VIPR2: variants seen among roughly 807,000 people sequenced by gnomAD.
VIPR2 encodes the protein vasoactive intestinal peptide receptor 2, also known as vasoactive intestinal polypeptide receptor 2.
VIPR2 carries 48 observed loss-of-function variants against 58.0 expected under a neutral mutation model. The ratio of observed to expected loss-of-function variants is 0.83; its 90% confidence interval spans 0.66 to 1.05. The LOEUF is 1.05. Among genes scored for constraint, VIPR2 ranks in the 50% least tolerant of loss-of-function variants. The pLI, the probability that VIPR2 is intolerant of heterozygous loss-of-function variation, is 0.00. For missense variants in VIPR2, 534 were observed against 558.0 expected (o/e 0.96, Z 0.43); for synonymous variants, 243 against 235.2 (o/e 1.03, Z -0.30).
chr7:159,031,587 CG>C lies in VIPR2; in HGVS notation c.1143+240del. The C allele has an allele frequency of 2.0e-6, 2 of 985,328 alleles. No homozygotes were observed. Among genetic ancestry groups the C allele is most frequent in the Non-Finnish European group, 2.4e-6 (2 of 829,920 alleles). The allele number at this position is 985,328 out of a possible 1,614,324, so 61.0% of individuals were successfully genotyped here. A position where few individuals can be genotyped will look rare whatever the true frequency, so the allele number is the denominator to read the frequency against. ...TTTCCCGAGAGGGCTCCGAGACGGACGGCAGTCGATGCTACTTAGGGTGGAC... is the reference window on the plus strand; with the variant it reads ...TTTCCCGAGAGGGCTCCGAGACGGACGCAGTCGATGCTACTTAGGGTGGAC... On this transcript the variant is annotated intron_variant, in intron 12 of 12. Transcript: ENST00000262178. The surrounding 1 kb of genome is among the most constrained non-coding windows in gnomAD (Gnocchi z 4.0).
At chr7:159,058,047 A>C (rs1359267894) in intron 5 of VIPR2, among the ~76,000 whole-genome samples, 1 of 152,200 alleles carries the variant, frequency 6.6e-6, no homozygotes, top group Non-Finnish European at 1.5e-5. Context: ...TACTTTGTCC[A>C]AGGTCACACA....
chr7:159,060,984 C>T (rs1259072749), intron 4 of VIPR2, among the ~76,000 whole-genome samples: 7 of 152,202 alleles, frequency 4.6e-5, no homozygotes, highest in South Asian at 2.1e-4. Flanking sequence ...GGAATCAATA[C>T]GTCTCCATCA....
In VIPR2 at chr7:159,028,403, C is replaced by T. The variant is rs1478890009; in HGVS notation, c.*2213G>A. On this transcript the variant is annotated 3_prime_UTR_variant, in exon 13 of 13. Transcript: ENST00000262178. ...CATGTGCGGTTGAGGGGAGATTGTC[C>T]CCTGAGCACACCTGATGACTGATGA... 1.3e-5 allele frequency: 2 copies of T among 152,408 alleles called. No homozygotes were observed. Among genetic ancestry groups the T allele is most frequent in the African/African-American group, 4.8e-5 (2 of 41,454 alleles). 9.4% of individuals were successfully genotyped at this position (152,408 alleles called of 1,614,324 possible).
In VIPR2 at chr7:159,140,691, C is replaced by A. The variant is rs984147059; in HGVS notation, c.151+1755G>T. 2.0e-5 allele frequency among the ~76,000 whole-genome samples: 3 copies of A among 152,234 alleles called. No homozygotes were observed. In the East Asian group the frequency reaches 5.8e-4, roughly 29 times the overall value. The stretch of plus-strand genomic sequence containing the variant: ...ACCAACGCTGCCTGCGAGGGGCTCT[C>A]GGGCCTGCATATGAACCCGCTCAAG... On this transcript the variant is annotated intron_variant, in intron 2 of 12. Coordinates refer to ENST00000262178, the MANE Select transcript of VIPR2 (RefSeq NM_003382.5).
At chr7:159,092,903 G>A (rs1462143256) in intron 4 of VIPR2, among the ~76,000 whole-genome samples, 1 of 152,154 alleles carries the variant, frequency 6.6e-6, no homozygotes, top group Non-Finnish European at 1.5e-5. Flanking sequence ...GGAGCTGCCA[G>A]CAAGAGCAGC....
chr7:159,126,636 G>C (rs1173458855), intron 2 of VIPR2, among the ~76,000 whole-genome samples: 1 of 152,172 alleles, frequency 6.6e-6, no homozygotes, highest in East Asian at 1.9e-4. Flanking sequence ...AAGGGCCTTA[G>C]CTGCAGCCGA....
intron 1 of VIPR2, among the ~76,000 whole-genome samples, chr7:159,143,766 C>T (rs774140542): frequency 5.9e-5 from 9 of 152,262 alleles, no homozygotes; most frequent in Admixed American, 2.0e-4. Flanking sequence ...CTGGAATATG[C>T]ACAGCAATGA....
intron 4 of VIPR2, among the ~76,000 whole-genome samples, chr7:159,094,301 G>A (rs1299695813): frequency 6.6e-6 from 1 of 152,202 alleles, no homozygotes; most frequent in East Asian, 1.9e-4. Context: ...GCTGTCTGAG[G>A]AATGGGGACA....
At chr7:159,111,419 C>T (rs961877184) in intron 2 of VIPR2, among the ~76,000 whole-genome samples, 1 of 151,992 alleles carries the variant, frequency 6.6e-6, no homozygotes, top group African/African-American at 2.4e-5. Flanking sequence ...GTGGCTCACA[C>T]CTGTAATCCC....
Position 159,030,202 on chromosome 7 carries a change from A to G in VIPR2, c.*414T>C, listed in dbSNP as rs1965614. On this transcript the variant is annotated 3_prime_UTR_variant, in exon 13 of 13. Transcript: ENST00000262178. ...CTACTAAAAATACAAAAAATTAGCC[A>G]GGCGTGTTGGCGGGCGCCTGTAGTC... is the stretch of plus-strand genomic sequence containing the variant. 1,498 of 168,560 alleles carry G rather than the reference A, an allele frequency of 8.9e-3. 29 individuals carry two copies. The highest frequency in any genetic ancestry group is 0.032 in the African/African-American group (1,256 of 39,444). The allele number at this position is 168,560 out of a possible 1,614,324, so 10.4% of individuals were successfully genotyped here. A position where few individuals can be genotyped will look rare whatever the true frequency, so the allele number is the denominator to read the frequency against.
chr7:159,142,933 C>G (rs891692513), intron 1 of VIPR2, among the ~76,000 whole-genome samples: 1 of 152,214 alleles, frequency 6.6e-6, no homozygotes, highest in Non-Finnish European at 1.5e-5. Flanking sequence ...CCTCCGAGGA[C>G]GGCCTCCACC....
Position 159,097,549 on chromosome 7 carries a change from C to T in VIPR2, c.357+6208G>A, listed in dbSNP as rs1349764363. Among the ~76,000 whole-genome samples, 3 of 152,084 alleles carry T rather than the reference C, an allele frequency of 2.0e-5. No individual in the cohort carries two copies. Among genetic ancestry groups the T allele is most frequent in the Non-Finnish European group, 2.9e-5 (2 of 68,006 alleles). ...GCCCAGGGTGTTAGAGATTCTACTG[C>T]CTTGCCCCTGCCTGACCCTGACTCA... On this transcript the variant is annotated intron_variant, in intron 4 of 12. Transcript: ENST00000262178. The surrounding 1 kb of genome is among the most constrained non-coding windows in gnomAD (Gnocchi z 5.3).
At chr7:159,142,684 C>T (rs1038137142) in intron 1 of VIPR2, 139 bp from the exon 2 acceptor site, 4 of 555,894 alleles carry the variant, frequency 7.2e-6, no homozygotes, top group African/African-American at 3.8e-5. Context: ...AACCAATCAC[C>T]TTGATTTTTC....
rs1384503432 is a variant in VIPR2 at position 159,029,814 on chromosome 7, G to A, written c.*802C>T. ...AAAACAGCCCTGTGGAGTTGGGTGG[G>A]GCAGGGCTCAGCCGGGCCGGGTGGG... On this transcript the variant is annotated 3_prime_UTR_variant, in exon 13 of 13. Transcript: ENST00000262178. The A allele has an allele frequency of 6.6e-6, 1 of 152,484 alleles. No individual in the cohort carries two copies. The highest frequency in any genetic ancestry group is 2.4e-5 in the African/African-American group (1 of 41,468). 9.4% of individuals were successfully genotyped at this position (152,484 alleles called of 1,614,324 possible).
chr7:159,046,056 AAATT>A (rs1452614058), intron 5 of VIPR2, among the ~76,000 whole-genome samples: 1 of 152,128 alleles, frequency 6.6e-6, no homozygotes, highest in Non-Finnish European at 1.5e-5. Flanking sequence ...TAATAATAAT[AAATT>A]AAGAAAACAA....
rs199904142 is a variant in VIPR2, at chr7:159,061,670, AAAAG to A, written c.358-3096_358-3093del. Among the ~76,000 whole-genome samples, 178 of 152,284 alleles carry A rather than the reference AAAAG, an allele frequency of 1.2e-3. 4 individuals carry two copies. In the East Asian group the frequency reaches 0.025, roughly 21 times the overall value. On this transcript the variant is annotated intron_variant, in intron 4 of 12. Transcript: ENST00000262178. ...CCTGTCGCAAAAAAAAAAGTTAAAAAAAAGAAAAAAAGTGAAAAATAATCCATAC... is the reference window on the plus strand; with the variant it reads ...CCTGTCGCAAAAAAAAAAGTTAAAAAAAAAAAAGTGAAAAATAATCCATAC...
chr7:159,038,183 C>A (rs1854092159), intron 6 of VIPR2, among the ~76,000 whole-genome samples: 1 of 152,058 alleles, frequency 6.6e-6, no homozygotes, highest in Non-Finnish European at 1.5e-5. Flanking sequence ...CTGTCCCTGG[C>A]CTCCCCTGAG....
rs1433134695 is a variant in VIPR2 at position 159,128,393 on chromosome 7, C to A, written c.151+14053G>T. ...AGGTGCCTGCTGGCACCAGGACACA[C>A]CTTATGCCCCTCAGATGACTGAGGT... On this transcript the variant is annotated intron_variant, in intron 2 of 12. Coordinates refer to ENST00000262178, the MANE Select transcript of VIPR2 (RefSeq NM_003382.5). The surrounding 1 kb of genome is among the most constrained non-coding windows in gnomAD (Gnocchi z 4.1). Among the ~76,000 whole-genome samples the A allele has an allele frequency of 6.6e-6, 1 of 152,164 alleles. No homozygotes were observed. The highest frequency in any genetic ancestry group is 2.4e-5 in the African/African-American group (1 of 41,442).
intron 5 of VIPR2, 134 bp downstream of exon 5, chr7:159,058,347 A>G: frequency 1.4e-6 from 1 of 705,354 alleles, no homozygotes. Context: ...ATCATATTTA[A>G]TGGCAGCATT....
Sources: gnomAD v4.1 joint callset for allele counts (sites outside exome capture counted in the v4.1 genomes callset) on GRCh38, gnomAD v4.1.1 for gene constraint, Gnocchi (gnomAD v3.1) non-coding constraint, MANE v1.5 for transcripts, NCBI Gene and HGNC (gene_info 2026-07-23, HGNC 2026-07-21) for gene names.